Variants in FERMT2 observed in about 807,000 individuals in gnomAD.
FERMT2 encodes the protein fermitin family homolog 2.
FERMT2 carries 15 observed loss-of-function variants against 82.7 expected under a neutral mutation model. The observed-to-expected ratio is 0.18, with a 90% CI of 0.12 to 0.28. FERMT2 has a LOEUF of 0.28. FERMT2 is among the 10% of genes least tolerant of loss of function. FERMT2 has a pLI of 1.00. For missense variants in FERMT2, 645 were observed against 809.4 expected (o/e 0.80, Z 2.46); for synonymous variants, 274 against 271.5 (o/e 1.01, Z -0.09).
At chr14:52,892,919 T>C in intron 4 of FERMT2, among the ~76,000 whole-genome samples, 1 of 152,204 alleles carries the variant, frequency 6.6e-6, no homozygotes, top group South Asian at 2.1e-4. Flanking sequence ...ATTCAACTAT[T>C]AACACCTGAC....
chr14:52,873,054 G>A (rs998624991), intron 9 of FERMT2, 131 bp from the exon 10 acceptor site: 2 of 822,836 alleles, frequency 2.4e-6, no homozygotes, highest in East Asian at 2.6e-5. Flanking sequence ...ATCCCCCTTG[G>A]TCAGCGTCTT....
intron 2 of FERMT2, among the ~76,000 whole-genome samples, chr14:52,927,327 GC>G (rs1309716957): frequency 6.6e-6 from 1 of 151,926 alleles, no homozygotes; most frequent in Non-Finnish European, 1.5e-5. Context: ...AAAATATTAT[GC>G]CCCACTTTAT....
rs1478256879 is a variant in FERMT2 at position 52,950,707 on chromosome 14, G to A, written c.-9-130C>T. The A allele has an allele frequency of 1.5e-5, 13 of 885,282 alleles. No individual in the cohort carries two copies. The South Asian group carries it at 2.0e-4, about 14-fold the overall frequency. 54.8% of individuals were successfully genotyped at this position (885,282 alleles called of 1,614,324 possible). ...CCCGGGGCTTTCGGCAGAAACTCGG[G>A]AGGGCGGCGGCGGCCGGGGCTGCGG... On this transcript the variant is annotated intron_variant, in intron 1 of 14. Coordinates refer to ENST00000341590, the MANE Select transcript of FERMT2 (RefSeq NM_006832.3).
chr14:52,885,843 T>C (rs1399465265), intron 4 of FERMT2, among the ~76,000 whole-genome samples: 1 of 151,996 alleles, frequency 6.6e-6, no homozygotes, highest in Non-Finnish European at 1.5e-5. Flanking sequence ...AGAATTTTTA[T>C]GGTATTATTT....
At chr14:52,917,992 T>C (rs1394059490) in intron 3 of FERMT2, among the ~76,000 whole-genome samples, 1 of 152,224 alleles carries the variant, frequency 6.6e-6, no homozygotes, top group Non-Finnish European at 1.5e-5. Flanking sequence ...GAAGATTGGG[T>C]ACTCTGGCGC....
chr14:52,907,722 ATAGC>A (rs1435028977), intron 3 of FERMT2, among the ~76,000 whole-genome samples: 1 of 152,078 alleles, frequency 6.6e-6, no homozygotes, highest in Non-Finnish European at 1.5e-5. Context: ...GAAGGTCGTA[ATAGC>A]TAGTAATTCA....
chr14:52,934,125 C>A (rs536092367), intron 2 of FERMT2, among the ~76,000 whole-genome samples: 102 of 152,206 alleles, frequency 6.7e-4, no homozygotes, highest in African/African-American at 2.4e-3. Flanking sequence ...GAGACCAGAA[C>A]TAATAAATAT....
intron 2 of FERMT2, among the ~76,000 whole-genome samples, chr14:52,949,477 G>A (rs1345255691): frequency 1.4e-5 from 2 of 146,618 alleles, no homozygotes; most frequent in Non-Finnish European, 3.0e-5. Context: ...AAAAGACAAT[G>A]CCACACAGAT....
At chr14:52,909,634 A>T (rs1888201428) in intron 3 of FERMT2, among the ~76,000 whole-genome samples, 1 of 152,162 alleles carries the variant, frequency 6.6e-6, no homozygotes, top group African/African-American at 2.4e-5. Flanking sequence ...CTAAAAATAC[A>T]AAAGTTAGCC....
intron 2 of FERMT2, among the ~76,000 whole-genome samples, chr14:52,929,083 G>T (rs1889444296): frequency 6.6e-6 from 1 of 151,996 alleles, no homozygotes. Flanking sequence ...ATCTCTTCTT[G>T]ATGTCCCACA....
intron 7 of FERMT2, among the ~76,000 whole-genome samples, chr14:52,876,083 G>A (rs548946444): frequency 1.3e-5 from 2 of 152,248 alleles, no homozygotes; most frequent in East Asian, 3.9e-4. Flanking sequence ...TTTCTACAAA[G>A]GTCAGCAGAA....
At chr14:52,925,898 C>T (rs1889239501) in intron 2 of FERMT2, among the ~76,000 whole-genome samples, 1 of 152,188 alleles carries the variant, frequency 6.6e-6, no homozygotes, top group Non-Finnish European at 1.5e-5. Flanking sequence ...ACCCCCTTGG[C>T]CTCCCAAAGT....
intron 3 of FERMT2, among the ~76,000 whole-genome samples, chr14:52,899,153 T>C (rs960992726): frequency 2.0e-5 from 3 of 152,162 alleles, no homozygotes; most frequent in Non-Finnish European, 4.4e-5. Context: ...CCCATGAGAA[T>C]TGCTTGTAAA....
intron 3 of FERMT2, among the ~76,000 whole-genome samples, chr14:52,908,046 A>G (rs966260425): frequency 6.6e-6 from 1 of 152,202 alleles, no homozygotes; most frequent in Non-Finnish European, 1.5e-5. Flanking sequence ...AAGGACTCAA[A>G]CAGACACCTC....
chr14:52,926,717 T>TG (rs1180230821), intron 2 of FERMT2, among the ~76,000 whole-genome samples: 7 of 151,690 alleles, frequency 4.6e-5, no homozygotes, highest in Non-Finnish European at 8.8e-5. Flanking sequence ...GGGTGGGGCG[T>TG]GGGGGGTAAA....
At chr14:52,861,068 G>A in intron 12 of FERMT2, 2 of 1,490,192 alleles carry the variant, frequency 1.3e-6, no homozygotes, top group Non-Finnish European at 1.8e-6. Flanking sequence ...GAAAAAGGAA[G>A]CAGAAAGAAA....
At chr14:52,907,506 T>C (rs138453539) in intron 3 of FERMT2, among the ~76,000 whole-genome samples, 9 of 152,292 alleles carry the variant, frequency 5.9e-5, no homozygotes, top group African/African-American at 1.9e-4. Context: ...AATACTTCAC[T>C]GCTTTAGGGC....
rs182540367 is a variant in FERMT2, at chr14:52,936,446, T to C, written c.157+13966A>G. 4.2e-4 allele frequency among the ~76,000 whole-genome samples: 64 copies of C among 152,338 alleles called. 1 individual carries two copies. The highest frequency in any genetic ancestry group is 1.5e-3 in the African/African-American group (61 of 41,588). ...TGATGTCTCCCCCTATTTAAAGTCT[T>C]TTATGGGCATCTCACAGCTCTGGGG... On this transcript the variant is annotated intron_variant, in intron 2 of 14. Transcript: ENST00000341590.
intron 3 of FERMT2, among the ~76,000 whole-genome samples, chr14:52,897,178 C>T (rs1887333964): frequency 6.6e-6 from 1 of 152,138 alleles, no homozygotes; most frequent in South Asian, 2.1e-4. Context: ...TGAAACATGA[C>T]TAGCAAATCA....
Sources: allele counts gnomAD v4.1 joint callset (sites outside exome capture counted in the v4.1 genomes callset), GRCh38; gene constraint gnomAD v4.1.1; transcripts MANE v1.5; gene names NCBI Gene and HGNC (gene_info 2026-07-23, HGNC 2026-07-21).